Variants in NXPE2 observed in about 807,000 individuals in gnomAD.
NXPE2 encodes NXPE family member 2.
NXPE2 carries 34 observed loss-of-function variants against 34.4 expected under a neutral mutation model. That is an observed-to-expected ratio of 0.99 (90% CI 0.75 to 1.31). The LOEUF is 1.31. NXPE2 is among the 40% of genes most tolerant of loss of function. The probability of loss-of-function intolerance (pLI) is 0.00; values close to 1 mark genes in which losing one functional copy is unlikely to be tolerated. For synonymous variants in NXPE2, 235 were observed against 231.3 expected, an observed-to-expected ratio of 1.02 and a Z score of -0.15; for missense variants, 649 against 672.5, an observed-to-expected ratio of 0.97 and a Z score of 0.39.
chr11:114,662,844 C>A, the NXPE2 span, among the ~76,000 whole-genome samples: 26 of 152,280 alleles, frequency 1.7e-4, no homozygotes, highest in East Asian at 4.8e-3. Context: ...GTCCTGGCAA[C>A]AGTTATCACC....
At chr11:114,791,905 A>C in the NXPE2 span, among the ~76,000 whole-genome samples, 1 of 152,130 alleles carries the variant, frequency 6.6e-6, no homozygotes, top group African/African-American at 2.4e-5. Flanking sequence ...CAAAATACAA[A>C]AAATTAGCCG....
the NXPE2 span, among the ~76,000 whole-genome samples, chr11:114,484,184 ATTG>A: frequency 3.9e-5 from 6 of 152,090 alleles, no homozygotes; most frequent in Admixed American, 1.3e-4. Context: ...ATCCCTTTGT[ATTG>A]TTCAACTCTG....
chr11:114,802,564 G>A, the NXPE2 span, among the ~76,000 whole-genome samples: 1 of 152,218 alleles, frequency 6.6e-6, no homozygotes. Flanking sequence ...CTTATTAGAG[G>A]AAAGTAGCAC....
the NXPE2 span, among the ~76,000 whole-genome samples, chr11:114,475,867 C>T: frequency 0.016 from 2,438 of 152,266 alleles, 58 homozygotes; most frequent in African/African-American, 0.055. Flanking sequence ...GGAGGTAACA[C>T]AACTACACAC....
At chr11:114,658,238 C>A in the NXPE2 span, among the ~76,000 whole-genome samples, 156 of 152,304 alleles carry the variant, frequency 1.0e-3, 1 homozygote, top group Admixed American at 8.3e-3. Context: ...TACTGACTCA[C>A]TTTTGAAAAG....
chr11:114,784,729 T>G, the NXPE2 span, among the ~76,000 whole-genome samples: 1 of 152,128 alleles, frequency 6.6e-6, no homozygotes, highest in African/African-American at 2.4e-5. Context: ...TGCTTTGAAA[T>G]GGAGAAAAGC....
chr11:114,550,153 T>C, the NXPE2 span, among the ~76,000 whole-genome samples: 1 of 152,272 alleles, frequency 6.6e-6, no homozygotes, highest in African/African-American at 2.4e-5. Flanking sequence ...GGTTAACTTA[T>C]ACATTTAATA....
chr11:114,521,924 T>C, the NXPE2 span: 9 of 1,353,420 alleles, frequency 6.6e-6, no homozygotes, highest in Non-Finnish European at 9.3e-6. Flanking sequence ...TGTGGGATTA[T>C]GTGCAGAGAT....
At chr11:114,759,350 C>T in the NXPE2 span, among the ~76,000 whole-genome samples, 9 of 152,214 alleles carry the variant, frequency 5.9e-5, no homozygotes, top group African/African-American at 2.2e-4. Flanking sequence ...TTTCATGTCT[C>T]TGTACCTCAG....
the NXPE2 span, among the ~76,000 whole-genome samples, chr11:114,634,928 G>T: frequency 6.6e-6 from 1 of 151,968 alleles, no homozygotes; most frequent in Non-Finnish European, 1.5e-5. Context: ...TTTGGCTTAG[G>T]ATGAACTTGG....
At chr11:114,664,049 T>TA in the NXPE2 span, among the ~76,000 whole-genome samples, 12 of 152,292 alleles carry the variant, frequency 7.9e-5, no homozygotes, top group South Asian at 6.2e-4. Flanking sequence ...AATGAAAACT[T>TA]ACGTTCACAC....
the NXPE2 span, among the ~76,000 whole-genome samples, chr11:114,593,382 T>G: frequency 6.6e-6 from 1 of 152,126 alleles, no homozygotes; most frequent in Non-Finnish European, 1.5e-5. Context: ...GAATAGACAC[T>G]TACTAGAAGA....
At chr11:114,748,420 A>T in the NXPE2 span, among the ~76,000 whole-genome samples, 7 of 152,194 alleles carry the variant, frequency 4.6e-5, no homozygotes, top group African/African-American at 1.7e-4. Context: ...GATGTCTCAA[A>T]AGTGTTGTTT....
At chr11:114,521,918 G>A in the NXPE2 span, 6 of 1,315,592 alleles carry the variant, frequency 4.6e-6, no homozygotes, top group African/African-American at 1.5e-5. Flanking sequence ...AATACATGTG[G>A]GATTATGTGC....
At chr11:114,739,969 T>C in the NXPE2 span, among the ~76,000 whole-genome samples, 1 of 152,176 alleles carries the variant, frequency 6.6e-6, no homozygotes, top group African/African-American at 2.4e-5. Context: ...TAGTCCTCTT[T>C]TATCCATGGG....
At chr11:114,500,009 G>T in the NXPE2 span, among the ~76,000 whole-genome samples, 1 of 149,482 alleles carries the variant, frequency 6.7e-6, no homozygotes, top group Admixed American at 6.7e-5. Context: ...ACCACAATTT[G>T]TTATCCTGTC....
At chr11:114,704,238 C>A (rs1305521673) in intron 4 of NXPE2, among the ~76,000 whole-genome samples, 186 bp downstream of exon 4, 3 of 152,074 alleles carry the variant, frequency 2.0e-5, no homozygotes, top group African/African-American at 7.2e-5. Context: ...CGATTTAAAC[C>A]AATTTTCATC....
the NXPE2 span, among the ~76,000 whole-genome samples, chr11:114,654,651 G>C: frequency 0.019 from 2,853 of 152,018 alleles, 86 homozygotes; most frequent in African/African-American, 0.065. Flanking sequence ...AAGACATCTC[G>C]TTCCTTTTTT....
the NXPE2 span, chr11:114,554,002 A>G: frequency 4.1e-6 from 4 of 985,396 alleles, no homozygotes; most frequent in Non-Finnish European, 4.8e-6. Flanking sequence ...GTCCAATTGC[A>G]ATGTTTTTTC....
Sources: gnomAD v4.1 joint callset for allele counts (sites outside exome capture counted in the v4.1 genomes callset) on GRCh38, gnomAD v4.1.1 for gene constraint, MANE v1.5 for transcripts, NCBI Gene and HGNC (gene_info 2026-07-23, HGNC 2026-07-21) for gene names.